Variants in TBC1D5 observed in about 807,000 individuals in gnomAD.
TBC1D5 encodes TBC1 domain family member 5.
TBC1D5 carries 75 observed loss-of-function variants against 100.3 expected under a neutral mutation model. That is an observed-to-expected ratio of 0.75 (90% CI 0.62 to 0.91). TBC1D5 has a LOEUF of 0.91. Among genes scored for constraint, TBC1D5 ranks in the 40% least tolerant of loss-of-function variants. The pLI is 0.00. For synonymous variants in TBC1D5, 323 were observed against 325.6 expected (o/e 0.99, Z 0.09); for missense variants, 910 against 942.4 (o/e 0.97, Z 0.45).
At chr3:17,583,389 A>C (rs2096712171) in intron 2 of TBC1D5, among the ~76,000 whole-genome samples, 1 of 145,186 alleles carries the variant, frequency 6.9e-6, no homozygotes, top group Non-Finnish European at 1.5e-5. Context: ...CCTGATAATC[A>C]AAAAAAAAAA....
chr3:17,284,367 C>T (rs2080952435), intron 15 of TBC1D5, among the ~76,000 whole-genome samples: 1 of 152,154 alleles, frequency 6.6e-6, no homozygotes, highest in South Asian at 2.1e-4. Flanking sequence ...ATCCGCCTGC[C>T]TCTGCCTTCC....
intron 19 of TBC1D5, among the ~76,000 whole-genome samples, chr3:17,178,064 TCC>T (rs1491534559): frequency 2.4e-5 from 3 of 124,058 alleles, no homozygotes; most frequent in African/African-American, 9.9e-5. Flanking sequence ...TGAATAGTGC[TCC>T]TTTTTTTTTT....
At chr3:17,487,493 G>A (rs1037611148) in intron 3 of TBC1D5, among the ~76,000 whole-genome samples, 4 of 152,164 alleles carry the variant, frequency 2.6e-5, no homozygotes, top group African/African-American at 9.7e-5. Flanking sequence ...GATGTTAGAA[G>A]GTCATGGGTT....
chr3:17,391,310 A>T (rs1575660287), intron 8 of TBC1D5, among the ~76,000 whole-genome samples: 1 of 152,084 alleles, frequency 6.6e-6, no homozygotes, highest in African/African-American at 2.4e-5. Flanking sequence ...AGAGATCCAC[A>T]TGGAGAGGAA....
At chr3:17,243,160 G>T (rs1478928354) in intron 16 of TBC1D5, among the ~76,000 whole-genome samples, 1 of 152,116 alleles carries the variant, frequency 6.6e-6, no homozygotes, top group African/African-American at 2.4e-5. Flanking sequence ...TTCTGTTAAT[G>T]AGTTGTGTAA....
chr3:17,185,041 C>A lies in TBC1D5; in HGVS notation c.1852+68G>T. On this transcript the variant is annotated intron_variant, in intron 19 of 21. Transcript: ENST00000253692. ...AAACAGCTTAGCACAAGGCCTAGAACAAAGTATTGCTAGTGGCTATTATTG... is the reference window on the plus strand; with the variant it reads ...AAACAGCTTAGCACAAGGCCTAGAAAAAAGTATTGCTAGTGGCTATTATTG... 2.8e-6 allele frequency: 4 copies of A among 1,421,142 alleles called. No homozygotes were observed. The South Asian group carries it at 4.8e-5, about 17-fold the overall frequency. 88.0% of individuals were successfully genotyped at this position (1,421,142 alleles called of 1,614,324 possible).
At chr3:17,730,939 A>G (rs1032187963) in intron 1 of TBC1D5, among the ~76,000 whole-genome samples, 1 of 152,156 alleles carries the variant, frequency 6.6e-6, no homozygotes, top group Non-Finnish European at 1.5e-5. Context: ...TTCATAATTC[A>G]TAATATTTAT....
exon 22 of TBC1D5, chr3:17,160,172 T>A (rs1405727508): frequency 6.6e-6 from 1 of 152,238 alleles, no homozygotes; most frequent in Non-Finnish European, 1.5e-5. Flanking sequence ...TCTTGTTTTC[T>A]GGCTATGAAA....
At chr3:17,340,247 A>C (rs1339433105) in intron 13 of TBC1D5, among the ~76,000 whole-genome samples, 1 of 152,182 alleles carries the variant, frequency 6.6e-6, no homozygotes, top group African/African-American at 2.4e-5. Flanking sequence ...ATAAGCAGTT[A>C]CCCAGGTCTT....
chr3:17,178,023 G>A (rs529042532), intron 19 of TBC1D5, among the ~76,000 whole-genome samples: 11 of 149,956 alleles, frequency 7.3e-5, no homozygotes, highest in Non-Finnish European at 1.5e-4. Flanking sequence ...CTATGTTGTT[G>A]CAAATGACAG....
intron 5 of TBC1D5, 72 bp downstream of exon 5, chr3:17,406,346 A>C: frequency 7.4e-7 from 1 of 1,354,310 alleles, no homozygotes; most frequent in East Asian, 2.4e-5. Flanking sequence ...CTGCATGGCT[A>C]ATCTTCCAGG....
intron 13 of TBC1D5, among the ~76,000 whole-genome samples, chr3:17,320,166 C>T (rs370398392): frequency 2.6e-5 from 4 of 152,154 alleles, no homozygotes; most frequent in African/African-American, 7.2e-5. Flanking sequence ...TACCTCAGCA[C>T]TTTAGTTTAA....
chr3:17,610,569 C>T (rs2153616320), intron 2 of TBC1D5, among the ~76,000 whole-genome samples: 1 of 152,294 alleles, frequency 6.6e-6, no homozygotes, highest in Non-Finnish European at 1.5e-5. Context: ...CACCCAAATT[C>T]CTTATTCTTG....
chr3:17,202,617 G>A (rs1011211534), intron 18 of TBC1D5, among the ~76,000 whole-genome samples: 3 of 152,222 alleles, frequency 2.0e-5, no homozygotes, highest in African/African-American at 7.2e-5. Context: ...GGTTTTGTGG[G>A]CTGGGCCCAG....
intron 13 of TBC1D5, among the ~76,000 whole-genome samples, chr3:17,334,561 C>CTAGGTCAGG (rs1195535233): frequency 1.3e-5 from 2 of 152,110 alleles, no homozygotes; most frequent in Non-Finnish European, 2.9e-5. Context: ...GGATTAAAAC[C>CTAGGTCAGG]TAGGTAGGAC....
chr3:17,366,178 C>A (rs776239392), intron 13 of TBC1D5, among the ~76,000 whole-genome samples: 7 of 151,938 alleles, frequency 4.6e-5, no homozygotes, highest in Non-Finnish European at 7.4e-5. Flanking sequence ...GTGGTCCCAG[C>A]TACTTGGAAG....
At chr3:17,559,592 G>A (rs1463100104) in intron 2 of TBC1D5, among the ~76,000 whole-genome samples, 1 of 139,374 alleles carries the variant, frequency 7.2e-6, no homozygotes, top group Non-Finnish European at 1.6e-5. Flanking sequence ...TACAAATCTA[G>A]AATTTTTTTT....
chr3:17,368,616 C>G (rs535727785), intron 13 of TBC1D5, among the ~76,000 whole-genome samples: 1 of 152,004 alleles, frequency 6.6e-6, no homozygotes, highest in South Asian at 2.1e-4. Context: ...GTAATGATAA[C>G]ATTTTGCCAT....
chr3:17,734,186 C>G (rs2076785506), intron 1 of TBC1D5, among the ~76,000 whole-genome samples: 1 of 152,130 alleles, frequency 6.6e-6, no homozygotes. Flanking sequence ...TGGAGGACTA[C>G]TTATAGTACA....
Sources: gnomAD v4.1 joint callset for allele counts (sites outside exome capture counted in the v4.1 genomes callset) on GRCh38, gnomAD v4.1.1 for gene constraint, MANE v1.5 for transcripts, NCBI Gene and HGNC (gene_info 2026-07-23, HGNC 2026-07-21) for gene names.